The following PRDM5 variants were observed in gnomAD, a reference collection of about 807,000 sequenced individuals.
PRDM5 encodes PR/SET domain 5, also known as PR domain zinc finger protein 5.
In PRDM5, 56 loss-of-function variants were observed where a neutral mutation model predicts 81.2. The ratio of observed to expected loss-of-function variants is 0.69; its 90% CI spans 0.56 to 0.86. The LOEUF (loss-of-function observed/expected upper bound fraction) is 0.86, where lower values mean the gene tolerates loss of function less well. PRDM5 is among the 40% of genes least tolerant of loss of function. The pLI, the probability that PRDM5 is intolerant of heterozygous loss-of-function variation, is 0.00. For missense variants in PRDM5, 697 were observed against 770.1 expected, an observed-to-expected ratio of 0.91 and a Z score of 1.12; for synonymous variants, 267 against 256.4, an observed-to-expected ratio of 1.04 and a Z score of -0.39.
intron 2 of PRDM5, among the ~76,000 whole-genome samples, chr4:120,868,094 T>C (rs887949177): frequency 8.5e-5 from 13 of 152,220 alleles, no homozygotes; most frequent in Non-Finnish European, 1.8e-4. Context: ...TATTCACATA[T>C]TGTAACCCTA....
chr4:120,850,052 G>A (rs1009546105), intron 3 of PRDM5, among the ~76,000 whole-genome samples: 2 of 151,734 alleles, frequency 1.3e-5, no homozygotes, highest in Admixed American at 6.6e-5. Context: ...CAAATAAATT[G>A]CAAAACTAGA....
intron 7 of PRDM5, chr4:120,816,210 A>G (rs1221659094): frequency 1.7e-6 from 1 of 583,200 alleles, no homozygotes; most frequent in East Asian, 3.3e-5. Flanking sequence ...ACATAACTAG[A>G]CTTTAACTAA....
chr4:120,861,601 C>A (rs887992729), intron 2 of PRDM5, among the ~76,000 whole-genome samples: 2 of 151,860 alleles, frequency 1.3e-5, no homozygotes, highest in Non-Finnish European at 1.5e-5. Context: ...AATTTGAGAC[C>A]AGCCTGGCCA....
intron 5 of PRDM5, 33 bp downstream of exon 5, chr4:120,818,320 A>G (rs1277833931): frequency 6.3e-7 from 1 of 1,598,468 alleles, no homozygotes; most frequent in South Asian, 1.1e-5. Context: ...GTGTTAGCTT[A>G]TAATTTTAAA....
intron 15 of PRDM5, 94 bp from the exon 16 acceptor site, chr4:120,695,369 TAA>T: frequency 7.4e-7 from 1 of 1,359,876 alleles, no homozygotes; most frequent in African/African-American, 1.5e-5. Flanking sequence ...AGAAAATTAA[TAA>T]GTTACTGCAT....
At chr4:120,828,435 A>C (rs533098346) in intron 3 of PRDM5, among the ~76,000 whole-genome samples, 1 of 152,160 alleles carries the variant, frequency 6.6e-6, no homozygotes, top group Non-Finnish European at 1.5e-5. Context: ...CAAATAGTAA[A>C]TTCTAGAGCC....
intron 8 of PRDM5, among the ~76,000 whole-genome samples, chr4:120,800,670 T>C (rs750960922): frequency 3.3e-5 from 5 of 152,312 alleles, no homozygotes; most frequent in East Asian, 1.9e-4. Context: ...TAGCGTATTA[T>C]ATTCTGGATT....
chr4:120,800,440 C>A (rs1432842706), intron 8 of PRDM5, among the ~76,000 whole-genome samples: 1 of 151,192 alleles, frequency 6.6e-6, no homozygotes, highest in East Asian at 2.0e-4. Context: ...TTGTTTGAAC[C>A]TGGGAAGTCG....
intron 2 of PRDM5, among the ~76,000 whole-genome samples, chr4:120,870,568 A>C (rs962315829): frequency 6.6e-6 from 1 of 152,154 alleles, no homozygotes; most frequent in African/African-American, 2.4e-5. Context: ...CCCAGGAAAA[A>C]TAATGAGTGA....
Position 120,900,274 on chromosome 4 carries a change from C to T in PRDM5, c.177+7200G>A, listed in dbSNP as rs529942280. ...GCTGAAAGTTCCAACCCTCTAATCACCACGTGGTTGCTTCCCCTGGCAAAC... is the reference window on the plus strand; with the variant it reads ...GCTGAAAGTTCCAACCCTCTAATCATCACGTGGTTGCTTCCCCTGGCAAAC... On this transcript the variant is annotated intron_variant, in intron 2 of 15. Coordinates refer to ENST00000264808, the MANE Select transcript of PRDM5 (RefSeq NM_018699.4). Among the ~76,000 whole-genome samples, 378 of 152,238 alleles carry T rather than the reference C, an allele frequency of 2.5e-3. 2 individuals are homozygous for T. The highest frequency in any genetic ancestry group is 8.5e-3 in the African/African-American group (354 of 41,542).
intron 2 of PRDM5, among the ~76,000 whole-genome samples, chr4:120,870,859 G>T (rs1761714887): frequency 6.6e-6 from 1 of 152,184 alleles, no homozygotes; most frequent in African/African-American, 2.4e-5. Context: ...TTTATTCAGA[G>T]TCTAGGTAGG....
chr4:120,918,073 T>C (rs1724422161), intron 1 of PRDM5, among the ~76,000 whole-genome samples: 1 of 152,216 alleles, frequency 6.6e-6, no homozygotes, highest in African/African-American at 2.4e-5. Flanking sequence ...CTGCCACTAG[T>C]AACTAAAACA....
intron 15 of PRDM5, 64 bp from the exon 16 acceptor site, chr4:120,695,339 A>T (rs1734405785): frequency 2.6e-6 from 4 of 1,554,226 alleles, no homozygotes; most frequent in Non-Finnish European, 3.5e-6. Context: ...AACAAAATTT[A>T]ACACTCACAC....
chr4:120,885,943 C>T (rs1470827293), intron 2 of PRDM5, among the ~76,000 whole-genome samples: 1 of 152,040 alleles, frequency 6.6e-6, no homozygotes, highest in Non-Finnish European at 1.5e-5. Context: ...TCTTTAATCA[C>T]ACCTCAGGTT....
At chr4:120,770,201 G>A (rs1186071516) in intron 13 of PRDM5, among the ~76,000 whole-genome samples, 6 of 151,924 alleles carry the variant, frequency 3.9e-5, no homozygotes, top group Non-Finnish European at 7.4e-5. Context: ...GCTAATTTTT[G>A]TATTTTTAGT....
intron 1 of PRDM5, among the ~76,000 whole-genome samples, chr4:120,919,736 C>A (rs1401853275): frequency 2.0e-5 from 3 of 152,116 alleles, no homozygotes; most frequent in East Asian, 1.9e-4. Flanking sequence ...TTCACTGAAG[C>A]ATTCAACTGT....
chr4:120,874,412 TA>T (rs1762141240), intron 2 of PRDM5, among the ~76,000 whole-genome samples: 1 of 152,146 alleles, frequency 6.6e-6, no homozygotes, highest in African/African-American at 2.4e-5. Flanking sequence ...ATAGATAAAA[TA>T]GAGATTTAAG....
chr4:120,848,316 G>T (rs759341058), intron 3 of PRDM5, among the ~76,000 whole-genome samples: 2 of 152,116 alleles, frequency 1.3e-5, no homozygotes, highest in African/African-American at 2.4e-5. Flanking sequence ...AAACATGAAA[G>T]ATTTTTAAGA....
At chr4:120,712,981 T>C (rs1441173724) in intron 14 of PRDM5, among the ~76,000 whole-genome samples, 2 of 152,230 alleles carry the variant, frequency 1.3e-5, no homozygotes, top group South Asian at 4.1e-4. Context: ...GATGTGGGAC[T>C]GAATCTTCAA....
Sources: gnomAD v4.1 joint callset for allele counts (sites outside exome capture counted in the v4.1 genomes callset) on GRCh38, gnomAD v4.1.1 for gene constraint, MANE v1.5 for transcripts, NCBI Gene and HGNC (gene_info 2026-07-23, HGNC 2026-07-21) for gene names.